VWF: variants seen among roughly 807,000 people sequenced by gnomAD.
VWF encodes the protein von Willebrand factor.
In VWF, 176 loss-of-function variants were observed where a neutral mutation model predicts 308.6. The observed-to-expected ratio is 0.57, with a 90% confidence interval of 0.50 to 0.65. The LOEUF (loss-of-function observed/expected upper bound fraction) is 0.65. Ranked by LOEUF, VWF falls within the 30% of genes least tolerant of loss-of-function variation. The probability of loss-of-function intolerance (pLI) is 0.00; values close to 1 mark genes in which losing one functional copy is unlikely to be tolerated. For missense variants in VWF, 3,146 were observed against 3,648.2 expected (o/e 0.86, Z 3.55); for synonymous variants, 1,385 against 1,443.4 (o/e 0.96, Z 0.92).
chr12:5,964,300 A>ATACATGCATACATACATACATACATACAT (rs1267334614), intron 47 of VWF, among the ~76,000 whole-genome samples: 1 of 151,986 alleles, frequency 6.6e-6, no homozygotes, highest in South Asian at 2.1e-4. Flanking sequence ...ACATACATAC[A>ATACATGCATACATACATACATACATACAT]AAAAGCTACC....
chr12:6,022,605 G>A (rs56334205), intron 26 of VWF, 135 bp downstream of exon 26: 5,487 of 232,606 alleles, frequency 0.024, 91 homozygotes, highest in Non-Finnish European at 0.032. Flanking sequence ...AAGAACCCAC[G>A]GAACCTGCAG....
intron 22 of VWF, among the ~76,000 whole-genome samples, chr12:6,027,516 A>G (rs2136422657): frequency 6.6e-6 from 1 of 152,332 alleles, no homozygotes; most frequent in African/African-American, 2.4e-5. Flanking sequence ...ATGTCATCAC[A>G]GGGTCTGATC....
chr12:6,004,886 G>A (rs1291622732), intron 34 of VWF, among the ~76,000 whole-genome samples: 6 of 152,042 alleles, frequency 3.9e-5, no homozygotes, highest in Non-Finnish European at 7.4e-5. Flanking sequence ...AAACCCAAAT[G>A]AATAAACCTG....
chr12:6,066,653 A>G (rs1282976622), intron 10 of VWF, among the ~76,000 whole-genome samples: 1 of 152,228 alleles, frequency 6.6e-6, no homozygotes. Context: ...TTGGAAAGAC[A>G]AATGTAAGAG....
intron 38 of VWF, among the ~76,000 whole-genome samples, chr12:5,990,384 G>A (rs1016943852): frequency 9.9e-5 from 15 of 152,240 alleles, no homozygotes; most frequent in Admixed American, 9.2e-4. Flanking sequence ...GAGCTTTGGG[G>A]AGAATCATAT....
At chr12:6,104,228 T>A (rs905856943) in intron 5 of VWF, among the ~76,000 whole-genome samples, 3 of 152,008 alleles carry the variant, frequency 2.0e-5, no homozygotes, top group African/African-American at 7.2e-5. Context: ...CAATGAGATA[T>A]CATCTTACCC....
intron 42 of VWF, among the ~76,000 whole-genome samples, chr12:5,980,417 G>A (rs1943592615): frequency 6.6e-6 from 1 of 152,134 alleles, no homozygotes; most frequent in African/African-American, 2.4e-5. Flanking sequence ...GGGGATAGAG[G>A]AACACATTAT....
At position 6,018,265 on chromosome 12, in the gene VWF, A is replaced by G. The variant is rs1002326483; in HGVS notation, c.5053+100T>C. On this transcript the variant is annotated intron_variant, in intron 28 of 51. Transcript: ENST00000261405. Reference sequence around the variant, plus strand: ...CAAGGCCACACAGACCAGGGAAGCCAGGATTAGAACCCGAGTCGTATCTTG... The same window carrying G: ...CAAGGCCACACAGACCAGGGAAGCCGGGATTAGAACCCGAGTCGTATCTTG... The G allele has an allele frequency of 9.6e-6, 14 of 1,459,508 alleles. No individual in the cohort carries two copies. In the African/African-American group the frequency reaches 1.7e-4, roughly 18 times the overall value. The allele number at this position is 1,459,508 out of a possible 1,614,324, so 90.4% of individuals were successfully genotyped here.
chr12:6,042,680 T>C (rs12367254), intron 18 of VWF, among the ~76,000 whole-genome samples: 6,019 of 152,300 alleles, frequency 0.04, 149 homozygotes, highest in Middle Eastern at 0.068. Flanking sequence ...GCATGCCCAG[T>C]GCTTCAGGAA....
intron 5 of VWF, 161 bp from the exon 6 acceptor site, chr12:6,095,745 T>C (rs896983985): frequency 2.1e-6 from 2 of 951,100 alleles, no homozygotes; most frequent in Admixed American, 4.1e-5. Context: ...GCAGCGGCTA[T>C]TCACAAGTGC....
chr12:6,022,558 G>A (rs1290029344), intron 26 of VWF, among the ~76,000 whole-genome samples, 182 bp downstream of exon 26: 1 of 140,572 alleles, frequency 7.1e-6, no homozygotes, highest in Non-Finnish European at 1.5e-5. Flanking sequence ...GGAGGAGCTC[G>A]ACTTGAGAAA....
rs1035761156 is a variant in VWF, at chr12:6,058,092, G to A, written c.1534-48C>T. 16 of 1,605,576 alleles carry A rather than the reference G, an allele frequency of 1.0e-5. No individual in the cohort carries two copies. The highest frequency in any genetic ancestry group is 1.3e-5 in the African/African-American group (1 of 74,594). On this transcript the variant is annotated intron_variant, in intron 13 of 51. Coordinates refer to ENST00000261405, the MANE Select transcript of VWF (RefSeq NM_000552.5). The surrounding 1 kb of genome is among the most constrained non-coding windows in gnomAD (Gnocchi z 4.9). Reference sequence around the variant, plus strand: ...CTGGAGCCGCTGCCGCGAAAGCAGCGGCATAGTTGTTTAGCTAATGAGATG... The same window carrying A: ...CTGGAGCCGCTGCCGCGAAAGCAGCAGCATAGTTGTTTAGCTAATGAGATG...
chr12:6,075,475 G>T lies in VWF; in HGVS notation c.734C>A (p.Pro245His). 6.2e-7 allele frequency: 1 copy of T among 1,614,234 alleles called. No homozygotes were observed. Among genetic ancestry groups the T allele is most frequent in the Non-Finnish European group, 8.5e-7 (1 of 1,180,040 alleles). The change falls in exon 7 of 52, where the codon CCT (proline) becomes CAT (histidine). Residue 245 changes from proline to histidine, a missense_variant. Physicochemically the swap from Pro to His is moderately conservative, Grantham distance 77. Coordinates refer to ENST00000261405, the MANE Select transcript of VWF (RefSeq NM_000552.5). This position sits in a 1 kb window ranked among gnomAD's most constrained non-coding sequence, Gnocchi z 4.7. The stretch of plus-strand genomic sequence containing the variant: ...AGTCTTCTCACACAGGGCCACAAAA[G>T]GCTCGGGGTCCACCAGAGGGTGGCA... ...ARCHPLVDPE[P>H]FVALCEKTLC...
intron 34 of VWF, among the ~76,000 whole-genome samples, chr12:6,005,741 G>A (rs1943918093): frequency 1.3e-5 from 2 of 152,126 alleles, no homozygotes; most frequent in African/African-American, 4.8e-5. Flanking sequence ...ACAACGGGCA[G>A]CCAAGAATAC....
At chr12:5,979,722 C>T (rs990460377) in intron 42 of VWF, among the ~76,000 whole-genome samples, 2 of 148,624 alleles carry the variant, frequency 1.3e-5, no homozygotes, top group African/African-American at 5.0e-5. Flanking sequence ...TGCACTCCAA[C>T]CTGGCCACAG....
intron 10 of VWF, among the ~76,000 whole-genome samples, chr12:6,069,832 G>A (rs993729057): frequency 1.3e-5 from 2 of 152,146 alleles, no homozygotes; most frequent in Admixed American, 6.5e-5. Flanking sequence ...GAAGACCAGA[G>A]GACTGTATTG....
rs930994759 is a variant in VWF, at chr12:6,063,890, C to T, written c.1432+356G>A. 6.6e-6 allele frequency among the ~76,000 whole-genome samples: 1 copy of T among 152,014 alleles called. No homozygotes were observed. Among genetic ancestry groups the T allele is most frequent in the African/African-American group, 2.4e-5 (1 of 41,314 alleles). On this transcript the variant is annotated intron_variant, in intron 12 of 51. Coordinates refer to ENST00000261405, the MANE Select transcript of VWF (RefSeq NM_000552.5). The surrounding 1 kb of genome is among the most constrained non-coding windows in gnomAD (Gnocchi z 4.9). ...CCCGATCTCTCAGCATCAGCCTCTG[C>T]CCCTGTCCCACCCCAGAGCAAACCA...
intron 20 of VWF, among the ~76,000 whole-genome samples, chr12:6,033,963 C>G (rs1378729557): frequency 6.6e-6 from 1 of 152,248 alleles, no homozygotes; most frequent in Non-Finnish European, 1.5e-5. Context: ...AGCACTCATA[C>G]TTCCTTGCTT....
chr12:6,072,924 T>C (rs559585822), intron 8 of VWF, among the ~76,000 whole-genome samples: 2 of 151,680 alleles, frequency 1.3e-5, no homozygotes, highest in East Asian at 3.9e-4. Flanking sequence ...TGGAGTGCAG[T>C]GGTGCGATCT....
Sources: gnomAD v4.1 joint callset for allele counts (sites outside exome capture counted in the v4.1 genomes callset) on GRCh38, gnomAD v4.1.1 for gene constraint, Gnocchi (gnomAD v3.1) non-coding constraint, MANE v1.5 for transcripts, NCBI Gene and HGNC (gene_info 2026-07-23, HGNC 2026-07-21) for gene names.